The following CDC37L1 variants were observed in gnomAD, a reference collection of about 807,000 sequenced individuals.
The protein encoded by CDC37L1 is hsp90 co-chaperone Cdc37-like 1.
In CDC37L1, 32 loss-of-function variants were observed where a neutral mutation model predicts 45.9. The observed-to-expected ratio is 0.70, with a 90% confidence interval of 0.53 to 0.94. The LOEUF (loss-of-function observed/expected upper bound fraction) is 0.94. CDC37L1 is among the 40% of genes least tolerant of loss of function. The pLI, the probability that CDC37L1 is intolerant of heterozygous loss-of-function variation, is 0.00. For missense variants in CDC37L1, 434 were observed against 405.7 expected, an observed-to-expected ratio of 1.07 and a Z score of -0.60; for synonymous variants, 150 against 133.0, an observed-to-expected ratio of 1.13 and a Z score of -0.88.
chr9:4,704,870 G>C (rs1280685910), intron 6 of CDC37L1, among the ~76,000 whole-genome samples: 1 of 152,060 alleles, frequency 6.6e-6, no homozygotes, highest in African/African-American at 2.4e-5. Context: ...CTGTAGACTA[G>C]TTTTTAATTT....
chr9:4,681,811 T>C (rs992277149), intron 1 of CDC37L1, among the ~76,000 whole-genome samples: 1 of 152,230 alleles, frequency 6.6e-6, no homozygotes, highest in Non-Finnish European at 1.5e-5. Flanking sequence ...AGCTTTGGCT[T>C]AATTTTATCA....
chr9:4,681,119 T>TAGG (rs952433926), intron 1 of CDC37L1, among the ~76,000 whole-genome samples: 1 of 152,272 alleles, frequency 6.6e-6, no homozygotes, highest in South Asian at 2.1e-4. Flanking sequence ...CATGATGTGC[T>TAGG]AGGGAGGAAA....
intron 1 of CDC37L1, among the ~76,000 whole-genome samples, chr9:4,681,202 G>T (rs974062231): frequency 5.9e-5 from 9 of 152,206 alleles, no homozygotes; most frequent in Admixed American, 4.6e-4. Flanking sequence ...AAGAATTTCA[G>T]TGCATTGTGG....
At chr9:4,686,103 A>G (rs1315722195) in intron 2 of CDC37L1, among the ~76,000 whole-genome samples, 3 of 152,206 alleles carry the variant, frequency 2.0e-5, no homozygotes, top group Non-Finnish European at 4.4e-5. Flanking sequence ...CCCAGGAGGT[A>G]GAGGTTGCAG....
intron 1 of CDC37L1, among the ~76,000 whole-genome samples, chr9:4,683,676 C>G (rs1587615078): frequency 6.6e-6 from 1 of 152,146 alleles, no homozygotes; most frequent in Admixed American, 6.5e-5. Flanking sequence ...TTGGAAAGAT[C>G]ACTCCAGTCT....
chr9:4,697,715 T>C (rs1841361095), intron 4 of CDC37L1, 42 bp from the exon 5 acceptor site: 3 of 949,400 alleles, frequency 3.2e-6, no homozygotes, highest in Non-Finnish European at 4.8e-6. Flanking sequence ...CAATTAAATA[T>C]ATTTATATAT....
chr9:4,698,907 CTCTCT>C (rs918165990), intron 5 of CDC37L1, among the ~76,000 whole-genome samples: 34 of 151,372 alleles, frequency 2.2e-4, no homozygotes, highest in African/African-American at 7.8e-4. Context: ...GAAAAAGCAG[CTCTCT>C]TCTCACTAAA....
rs971309722 is a variant in CDC37L1, at chr9:4,679,628, G to T, written c.-140G>T. The T allele has an allele frequency of 1.4e-6, 1 of 718,322 alleles. No homozygotes were observed. Among genetic ancestry groups the T allele is most frequent in the African/African-American group, 1.8e-5 (1 of 54,724 alleles). 44.5% of individuals were successfully genotyped at this position (718,322 alleles called of 1,614,324 possible). A position where few individuals can be genotyped will look rare whatever the true frequency, so the allele number is the denominator to read the frequency against. On this transcript the variant is annotated 5_prime_UTR_variant, in exon 1 of 7. Transcript: ENST00000381854. Reference sequence around the variant, plus strand: ...TCGCCGGGTGTGCAGCGGCGTCGCGGCCAGTAGAGGGATTCTGGGTAACGG... The same window carrying T: ...TCGCCGGGTGTGCAGCGGCGTCGCGTCCAGTAGAGGGATTCTGGGTAACGG...
chr9:4,706,117 G>A lies in CDC37L1; in HGVS notation c.*5G>A. The A allele has an allele frequency of 1.4e-6, 2 of 1,466,072 alleles. No homozygotes were observed. The highest frequency in any genetic ancestry group is 1.9e-6 in the Non-Finnish European group (2 of 1,047,586). 90.8% of individuals were successfully genotyped at this position (1,466,072 alleles called of 1,614,324 possible). ...AAAATGATGGACACTGTATAATTTGGTTAAGACTGCTGAGGCCAAGTGCTA... is the reference window on the plus strand; with the variant it reads ...AAAATGATGGACACTGTATAATTTGATTAAGACTGCTGAGGCCAAGTGCTA... On this transcript the variant is annotated 3_prime_UTR_variant, in exon 7 of 7. Coordinates refer to ENST00000381854, the MANE Select transcript of CDC37L1 (RefSeq NM_017913.4).
Position 4,684,881 on chromosome 9 carries a change from A to C in CDC37L1, c.137A>C (p.Tyr46Ser). Residue 46 changes from tyrosine (Y) to serine (S), a missense_variant, in exon 2 of 7, where the codon TAT (tyrosine) becomes TCT (serine). Transcript: ENST00000381854. ...ACAAATATTGTTTTTATCCAGATGT[A>C]TAGCCATGGAATTGAATTGGCTTGC... ...PQLPGGGAQM[Y>S]SHGIELACQK... The C allele has an allele frequency of 6.2e-7, 1 of 1,608,360 alleles. No individual in the cohort carries two copies. The highest frequency in any genetic ancestry group is 1.3e-5 in the African/African-American group (1 of 74,904).
chr9:4,692,335 T>G (rs1841308809), intron 3 of CDC37L1, among the ~76,000 whole-genome samples: 1 of 152,044 alleles, frequency 6.6e-6, no homozygotes, highest in African/African-American at 2.4e-5. Context: ...AGTGGTGTGA[T>G]CTCAGCTCAC....
chr9:4,693,791 A>G (rs687073), intron 3 of CDC37L1, among the ~76,000 whole-genome samples: 1 of 152,208 alleles, frequency 6.6e-6, no homozygotes, highest in African/African-American at 2.4e-5. Context: ...TGTCTCAGGC[A>G]CTGTTCTAAG....
rs1026126192 is a variant in CDC37L1 at position 4,688,443 on chromosome 9, T to C, written c.415-70T>C. The C allele has an allele frequency of 6.0e-6, 5 of 835,270 alleles. No homozygotes were observed. The African/African-American group carries it at 7.0e-5, about 12-fold the overall frequency. The allele number at this position is 835,270 out of a possible 1,614,324, so 51.7% of individuals were successfully genotyped here. A position where few individuals can be genotyped will look rare whatever the true frequency, so the allele number is the denominator to read the frequency against. On this transcript the variant is annotated intron_variant, in intron 2 of 6. Transcript: ENST00000381854. ...TGTCTATAGGAAGAATTGCTAGATA[T>C]TCAGTATCTGAGAAAGAAGATTCAA... is the stretch of plus-strand genomic sequence containing the variant.
intron 2 of CDC37L1, chr9:4,685,460 A>G (rs1023824816): frequency 4.0e-6 from 1 of 251,166 alleles, no homozygotes; most frequent in Non-Finnish European, 7.8e-6. Flanking sequence ...ATGGGAAAAT[A>G]TATCAGTTAT....
chr9:4,693,278 CAA>C (rs113078159), intron 3 of CDC37L1, among the ~76,000 whole-genome samples: 10 of 125,384 alleles, frequency 8.0e-5, no homozygotes, highest in Admixed American at 8.2e-5. Context: ...CTCATCTCTA[CAA>C]AAAAAAAAAA....
At position 4,707,600 on chromosome 9, in the gene CDC37L1, A is replaced by G. The variant is rs1457993090; in HGVS notation, c.*1488A>G. The G allele has an allele frequency of 2.0e-5, 3 of 152,224 alleles. No homozygotes were observed. Among genetic ancestry groups the G allele is most frequent in the Non-Finnish European group, 1.5e-5 (1 of 68,036 alleles). The allele number at this position is 152,224 out of a possible 1,614,324, so 9.4% of individuals were successfully genotyped here. On this transcript the variant is annotated 3_prime_UTR_variant, in exon 7 of 7. Coordinates refer to ENST00000381854, the MANE Select transcript of CDC37L1 (RefSeq NM_017913.4). ...TAACATCACAATCTTCCTGGTTTTC[A>G]GAATAAACGTTTTTGTGCTTTTGAT...
At chr9:4,701,677 A>G (rs1841397894) in intron 5 of CDC37L1, among the ~76,000 whole-genome samples, 187 bp from the exon 6 acceptor site, 1 of 152,184 alleles carries the variant, frequency 6.6e-6, no homozygotes, top group Admixed American at 6.5e-5. Context: ...GAGCAAACCA[A>G]TTATTAATGT....
chr9:4,703,101 G>T, intron 6 of CDC37L1: 1 of 1,543,872 alleles, frequency 6.5e-7, no homozygotes, highest in Non-Finnish European at 8.7e-7. Flanking sequence ...AAGATTTTAA[G>T]ACCAGCTTTA....
intron 3 of CDC37L1, among the ~76,000 whole-genome samples, chr9:4,692,333 G>A (rs571647584): frequency 6.6e-6 from 1 of 150,954 alleles, no homozygotes; most frequent in Non-Finnish European, 1.5e-5. Context: ...ACAGTGGTGT[G>A]ATCTCAGCTC....
Sources: gnomAD v4.1 joint callset for allele counts (sites outside exome capture counted in the v4.1 genomes callset) on GRCh38, gnomAD v4.1.1 for gene constraint, MANE v1.5 for transcripts, NCBI Gene and HGNC (gene_info 2026-07-23, HGNC 2026-07-21) for gene names.